KIF3C: variants seen among roughly 807,000 people sequenced by gnomAD.
The protein encoded by KIF3C is kinesin-like protein KIF3C.
KIF3C carries 12 observed loss-of-function variants against 67.7 expected under a neutral mutation model. The observed-to-expected ratio is 0.18, with a 90% confidence interval of 0.11 to 0.29. The LOEUF is 0.29. Among genes scored for constraint, KIF3C ranks in the 10% least tolerant of loss-of-function variants. The probability of loss-of-function intolerance (pLI) is 1.00; values close to 1 mark genes in which losing one functional copy is unlikely to be tolerated. For synonymous variants in KIF3C, 393 were observed against 426.2 expected, an observed-to-expected ratio of 0.92 and a Z score of 0.96; for missense variants, 789 against 1,059.6, an observed-to-expected ratio of 0.74 and a Z score of 3.55.
At position 25,952,558 on chromosome 2, in the gene KIF3C, TATATA is replaced by T. The variant is rs199924536; in HGVS notation, c.1890-658_1890-654del. 8.7e-3 allele frequency among the ~76,000 whole-genome samples: 1,263 copies of T among 145,382 alleles called. 10 individuals carry two copies. Among genetic ancestry groups the T allele is most frequent in the Middle Eastern group, 0.04 (11 of 278 alleles). On this transcript the variant is annotated intron_variant, in intron 4 of 7. Transcript: ENST00000264712. ...GTGTGTGTGTGTGTGTGTATATATA[TATATA>T]TTTTTTTTTTTTTGAGACAGTTTTG...
In KIF3C at chr2:25,949,772, C is replaced by T. The variant is rs186302700; in HGVS notation, c.2006+2017G>A. 1.7e-3 allele frequency among the ~76,000 whole-genome samples: 262 copies of T among 151,898 alleles called. 2 individuals are homozygous for T. Among genetic ancestry groups the T allele is most frequent in the African/African-American group, 6.1e-3 (252 of 41,472 alleles). On this transcript the variant is annotated intron_variant, in intron 5 of 7. Transcript: ENST00000264712. ...ATCACTTGAGCTCAGGAGTTCAAGA[C>T]CAGCCTGGCCAACATGGTGAAACCC... is the stretch of plus-strand genomic sequence containing the variant.
intron 1 of KIF3C, among the ~76,000 whole-genome samples, chr2:25,969,897 G>A (rs1283476071): frequency 2.0e-5 from 3 of 152,110 alleles, no homozygotes; most frequent in Non-Finnish European, 4.4e-5. Context: ...TGTATTTTTG[G>A]TAGAGACAGG....
rs1663860213 is a variant in KIF3C, at chr2:25,958,333, C to T, written c.1546-1889G>A. ...CGGTGGCTCATGCCCGTAATCCCAG[C>T]ACTTTGGGAAGTTGAGGTGGGCGGA... On this transcript the variant is annotated intron_variant, in intron 1 of 7. Transcript: ENST00000264712. The surrounding 1 kb of genome is among the most constrained non-coding windows in gnomAD (Gnocchi z 4.5). Among the ~76,000 whole-genome samples, 1 of 152,182 alleles carries T rather than the reference C, an allele frequency of 6.6e-6. No homozygotes were observed. The highest frequency in any genetic ancestry group is 6.5e-5 in the Admixed American group (1 of 15,270).
intron 1 of KIF3C, among the ~76,000 whole-genome samples, chr2:25,969,129 T>A (rs949887279): frequency 2.6e-5 from 4 of 152,178 alleles, no homozygotes; most frequent in Admixed American, 2.6e-4. Flanking sequence ...CGGTCAGGAA[T>A]CATCTATTGG....
chr2:25,953,291 TC>T lies in KIF3C; in HGVS notation c.1889+975del, dbSNP rs1159416196. Among the ~76,000 whole-genome samples the T allele has an allele frequency of 7.9e-5, 12 of 151,872 alleles. No individual in the cohort carries two copies. The South Asian group carries it at 2.5e-3, about 32-fold the overall frequency. ...CTCCAAAAAAAAAAAATCTAATGTA[TC>T]CCATCAATATTAATATATGCAACTA... On this transcript the variant is annotated intron_variant, in intron 4 of 7. Coordinates refer to ENST00000264712, the MANE Select transcript of KIF3C (RefSeq NM_002254.8).
At position 25,933,260 on chromosome 2, in the gene KIF3C, C is replaced by CA. The variant is rs137987820; in HGVS notation, c.2007-3198dup. 7.6e-3 allele frequency among the ~76,000 whole-genome samples: 875 copies of CA among 115,024 alleles called. 5 individuals carry two copies. The highest frequency in any genetic ancestry group is 0.017 in the African/African-American group (531 of 30,936). The allele number at this position is 115,024 out of a possible 152,430, so 75.5% of individuals were successfully genotyped here. On this transcript the variant is annotated intron_variant, in intron 5 of 7. Transcript: ENST00000264712. ...AGTGAGACTCTGCAAGACTCCGTTT[C>CA]AAAAAAAAAAAAGGGCAAAGGATCT...
intron 5 of KIF3C, among the ~76,000 whole-genome samples, chr2:25,937,686 G>A (rs1436762295): frequency 6.6e-6 from 1 of 152,164 alleles, no homozygotes; most frequent in Non-Finnish European, 1.5e-5. Flanking sequence ...GGGAGGTGCA[G>A]CGCCTTTTGT....
chr2:25,939,188 G>C (rs145795615), intron 5 of KIF3C, among the ~76,000 whole-genome samples: 80 of 152,184 alleles, frequency 5.3e-4, no homozygotes, highest in African/African-American at 1.8e-3. Flanking sequence ...GGCTGGTCTC[G>C]AACTCCTGGC....
chr2:25,927,546 T>C lies in KIF3C; in HGVS notation c.*1432A>G, dbSNP rs1157806444. ...ACTTGAATGATGTAAGAAGGGTTCA[T>C]TTCCTGAAGGAAAGAGAATAACCCC... On this transcript the variant is annotated 3_prime_UTR_variant, in exon 8 of 8. Transcript: ENST00000264712. 6.6e-6 allele frequency: 1 copy of C among 152,148 alleles called. No homozygotes were observed. Among genetic ancestry groups the C allele is most frequent in the Non-Finnish European group, 1.5e-5 (1 of 68,040 alleles). 9.4% of individuals were successfully genotyped at this position (152,148 alleles called of 1,614,324 possible).
intron 1 of KIF3C, among the ~76,000 whole-genome samples, chr2:25,979,247 T>G (rs1338925588): frequency 2.0e-5 from 3 of 152,088 alleles, no homozygotes; most frequent in Non-Finnish European, 4.4e-5. Flanking sequence ...TTAATAGGTC[T>G]ATGACTGGAC....
intron 1 of KIF3C, among the ~76,000 whole-genome samples, chr2:25,959,505 T>A (rs1294351934): frequency 6.6e-6 from 1 of 152,038 alleles, no homozygotes; most frequent in African/African-American, 2.4e-5. Context: ...AGTGGCGCGA[T>A]CTTGGCTCAC....
At chr2:25,932,809 G>A (rs2090472799) in intron 5 of KIF3C, among the ~76,000 whole-genome samples, 1 of 151,502 alleles carries the variant, frequency 6.6e-6, no homozygotes, top group Admixed American at 6.6e-5. Flanking sequence ...CTCCAGCCTG[G>A]GTGACAGAGT....
rs533421776 is a variant in KIF3C at position 25,980,414 on chromosome 2, G to A, written c.1504C>T (p.Arg502Trp). 22 of 1,613,942 alleles carry A rather than the reference G, an allele frequency of 1.4e-5. No homozygotes were observed. Among genetic ancestry groups the A allele is most frequent in the East Asian group, 4.5e-5 (2 of 44,880 alleles). Residue 502 changes from arginine (R) to tryptophan (W), a missense_variant, in exon 1 of 8, where the codon CGG (arginine) becomes TGG (tryptophan). By Grantham distance (101) the Arg-to-Trp change is moderately radical. Transcript: ENST00000264712. This position sits in a 1 kb window ranked among gnomAD's most constrained non-coding sequence, Gnocchi z 7.6. Reference sequence around the variant, plus strand: ...AGCAGCTCTGTGGCCTGCTGTTCCCGCCGCAGGTCCTCCAGCATCTTCTCC... The same window carrying A: ...AGCAGCTCTGTGGCCTGCTGTTCCCACCGCAGGTCCTCCAGCATCTTCTCC... ...EKEKMLEDLR[R>W]EQQATELLAA...
intron 5 of KIF3C, among the ~76,000 whole-genome samples, chr2:25,934,365 G>T (rs1440498232): frequency 6.6e-6 from 1 of 152,040 alleles, no homozygotes; most frequent in East Asian, 1.9e-4. Context: ...GATCACTTGA[G>T]GTCAGGAGTT....
chr2:25,944,595 C>T (rs1240386937), intron 5 of KIF3C, among the ~76,000 whole-genome samples: 1 of 152,100 alleles, frequency 6.6e-6, no homozygotes, highest in East Asian at 1.9e-4. Context: ...AAGCCATCTA[C>T]CTGCTTCAGT....
At chr2:25,951,144 C>T (rs1469477059) in intron 5 of KIF3C, among the ~76,000 whole-genome samples, 1 of 152,088 alleles carries the variant, frequency 6.6e-6, no homozygotes, top group Non-Finnish European at 1.5e-5. Flanking sequence ...ATGGTTCAGC[C>T]GGGCAAGGCC....
In KIF3C at chr2:25,981,322, T is replaced by C; in HGVS notation, c.596A>G (p.Asn199Ser). ...KEIEHVMNLG[N>S]QTRAVGSTHM... ...GGTGCTGCCCACAGCCCGGGTCTGG[T>C]TCCCCAGGTTCATCACATGCTCAAT... Residue 199 changes from asparagine (N) to serine (S), a missense_variant, in exon 1 of 8, where the codon AAC (asparagine) becomes AGC (serine). Coordinates refer to ENST00000264712, the MANE Select transcript of KIF3C (RefSeq NM_002254.8). The surrounding 1 kb of genome is among the most constrained non-coding windows in gnomAD (Gnocchi z 8.2). 6.2e-7 allele frequency: 1 copy of C among 1,614,030 alleles called. No homozygotes were observed. Among genetic ancestry groups the C allele is most frequent in the Non-Finnish European group, 8.5e-7 (1 of 1,179,990 alleles).
At chr2:25,979,917 T>C (rs1053190335) in intron 1 of KIF3C, among the ~76,000 whole-genome samples, 7 of 152,192 alleles carry the variant, frequency 4.6e-5, no homozygotes, top group Non-Finnish European at 1.0e-4. Flanking sequence ...ATCATATATA[T>C]GGGGCATTTT....
intron 1 of KIF3C, among the ~76,000 whole-genome samples, chr2:25,973,355 A>G (rs1664327843): frequency 6.6e-6 from 1 of 152,088 alleles, no homozygotes; most frequent in South Asian, 2.1e-4. Context: ...GGAGCTCAAG[A>G]CCAGCCCGGA....
Sources: gnomAD v4.1 joint callset for allele counts (sites outside exome capture counted in the v4.1 genomes callset) on GRCh38, gnomAD v4.1.1 for gene constraint, Gnocchi (gnomAD v3.1) non-coding constraint, MANE v1.5 for transcripts, NCBI Gene and HGNC (gene_info 2026-07-23, HGNC 2026-07-21) for gene names.